Variants in TBC1D22A observed in about 807,000 individuals in gnomAD.
The protein encoded by TBC1D22A is putative GTPase activator.
Under a neutral mutation model 60.2 loss-of-function variants are expected in TBC1D22A, and 38 were observed. The ratio of observed to expected loss-of-function variants is 0.63; its 90% CI spans 0.49 to 0.83. TBC1D22A has a LOEUF of 0.83. Ranked by LOEUF, TBC1D22A falls within the 40% of genes least tolerant of loss-of-function variation. The pLI is 0.00. For missense variants in TBC1D22A, 628 were observed against 701.0 expected (o/e 0.90, Z 1.18); for synonymous variants, 302 against 281.7 (o/e 1.07, Z -0.72).
At chr22:46,907,425 G>A (rs531679282) in intron 7 of TBC1D22A, among the ~76,000 whole-genome samples, 1 of 152,338 alleles carries the variant, frequency 6.6e-6, no homozygotes, top group East Asian at 1.9e-4. Flanking sequence ...AAACAGATGG[G>A]AGAGGCTGAT....
chr22:46,788,226 A>G (rs1569032270), intron 1 of TBC1D22A, among the ~76,000 whole-genome samples: 2 of 152,032 alleles, frequency 1.3e-5, no homozygotes, highest in Non-Finnish European at 2.9e-5. Context: ...GTGAGCCACC[A>G]CGCCCGGCCA....
intron 9 of TBC1D22A, among the ~76,000 whole-genome samples, chr22:46,978,951 T>C (rs1433931680): frequency 6.6e-6 from 1 of 152,210 alleles, no homozygotes. Flanking sequence ...TTGGATTCTT[T>C]TTTCATTCAT....
At chr22:46,886,312 G>C (rs1426523821) in intron 5 of TBC1D22A, among the ~76,000 whole-genome samples, 1 of 152,154 alleles carries the variant, frequency 6.6e-6, no homozygotes, top group Non-Finnish European at 1.5e-5. Context: ...CCTCCATCAC[G>C]AGGACTCTGA....
intron 11 of TBC1D22A, among the ~76,000 whole-genome samples, chr22:47,043,193 G>A (rs372764484): frequency 6.6e-6 from 1 of 152,218 alleles, no homozygotes; most frequent in Non-Finnish European, 1.5e-5. Flanking sequence ...CACAAGAGCC[G>A]GCCCTCAGGC....
At chr22:46,782,356 C>T (rs1460778535) in intron 1 of TBC1D22A, among the ~76,000 whole-genome samples, 1 of 152,194 alleles carries the variant, frequency 6.6e-6, no homozygotes, top group African/African-American at 2.4e-5. Flanking sequence ...CCCAGCCGGA[C>T]TTGGACTTAT....
chr22:46,826,198 G>A (rs1484671140), intron 4 of TBC1D22A, among the ~76,000 whole-genome samples: 1 of 152,090 alleles, frequency 6.6e-6, no homozygotes, highest in South Asian at 2.1e-4. Context: ...TTCTTTTAAC[G>A]CTAAACTGTG....
In TBC1D22A at chr22:46,830,566, C is replaced by T. The variant is rs572182108; in HGVS notation, c.637+32946C>T. Reference sequence around the variant, plus strand: ...GGGCTGGTGGAAGGTCCCAGTGCCTCTTTGAGCTTTGCCAGGACAGTGTGT... The same window carrying T: ...GGGCTGGTGGAAGGTCCCAGTGCCTTTTTGAGCTTTGCCAGGACAGTGTGT... On this transcript the variant is annotated intron_variant, in intron 4 of 12. Coordinates refer to ENST00000337137, the MANE Select transcript of TBC1D22A (RefSeq NM_014346.5). Among the ~76,000 whole-genome samples the T allele has an allele frequency of 9.8e-5, 15 of 152,350 alleles. No homozygotes were observed. The East Asian group carries it at 2.7e-3, about 27-fold the overall frequency.
At chr22:47,128,745 G>T (rs768699114) in intron 12 of TBC1D22A, among the ~76,000 whole-genome samples, 1 of 152,118 alleles carries the variant, frequency 6.6e-6, no homozygotes, top group Non-Finnish European at 1.5e-5. Context: ...GGCCATGACC[G>T]TGGCTAAGCC....
rs753407810 is a variant in TBC1D22A, at chr22:46,997,722, C to G, written c.1201+13C>G. Reference sequence around the variant, plus strand: ...AGCCGGATTGATGGTAAGCCAGCTTCCCGCGCAGCCCCTCTCTGTGGGCGG... The same window carrying G: ...AGCCGGATTGATGGTAAGCCAGCTTGCCGCGCAGCCCCTCTCTGTGGGCGG... On this transcript the variant is annotated intron_variant, in intron 10 of 12. Transcript: ENST00000337137. The G allele has an allele frequency of 6.2e-7, 1 of 1,613,394 alleles. No individual in the cohort carries two copies. The highest frequency in any genetic ancestry group is 1.7e-5 in the Admixed American group (1 of 60,016).
At chr22:47,141,739 C>G (rs2067093407) in intron 12 of TBC1D22A, among the ~76,000 whole-genome samples, 1 of 152,134 alleles carries the variant, frequency 6.6e-6, no homozygotes, top group South Asian at 2.1e-4. Context: ...AGTGTTTTCC[C>G]AGAAAGGTGG....
intron 8 of TBC1D22A, among the ~76,000 whole-genome samples, chr22:46,957,452 C>T (rs1317299875): frequency 2.0e-5 from 3 of 152,202 alleles, no homozygotes; most frequent in African/African-American, 4.8e-5. Flanking sequence ...AGAGTGAGTG[C>T]CAGCAGGGGA....
intron 12 of TBC1D22A, among the ~76,000 whole-genome samples, chr22:47,135,681 T>A (rs1396177343): frequency 6.6e-6 from 1 of 152,256 alleles, no homozygotes; most frequent in Non-Finnish European, 1.5e-5. Context: ...ATACTTCGGC[T>A]TCTAAATCGC....
At chr22:47,157,304 C>G (rs1048833342) in intron 12 of TBC1D22A, among the ~76,000 whole-genome samples, 2 of 152,250 alleles carry the variant, frequency 1.3e-5, no homozygotes, top group African/African-American at 4.8e-5. Flanking sequence ...CTGCACTATC[C>G]TGCACCTCTC....
chr22:46,766,748 GGAT>G, intron 1 of TBC1D22A, among the ~76,000 whole-genome samples: 1 of 152,152 alleles, frequency 6.6e-6, no homozygotes, highest in Non-Finnish European at 1.5e-5. Flanking sequence ...ATGTTGGTGT[GGAT>G]GGTCTCGATC....
chr22:47,112,207 G>A (rs985909963), intron 12 of TBC1D22A, among the ~76,000 whole-genome samples: 2 of 152,236 alleles, frequency 1.3e-5, no homozygotes, highest in Admixed American at 1.3e-4. Flanking sequence ...TCCTCTGTGA[G>A]GCGTCCCGGG....
chr22:46,862,304 C>G (rs2087936850), intron 4 of TBC1D22A, among the ~76,000 whole-genome samples: 1 of 152,168 alleles, frequency 6.6e-6, no homozygotes, highest in Non-Finnish European at 1.5e-5. Flanking sequence ...CTCTGTAGAT[C>G]TCGGGTATGT....
chr22:46,863,138 G>A (rs1014215377), intron 4 of TBC1D22A, among the ~76,000 whole-genome samples: 1 of 152,150 alleles, frequency 6.6e-6, no homozygotes, highest in Non-Finnish European at 1.5e-5. Context: ...ACTCACACCA[G>A]GTTTATGGAG....
chr22:47,161,065 G>A (rs1384081714), intron 12 of TBC1D22A, among the ~76,000 whole-genome samples: 5 of 152,226 alleles, frequency 3.3e-5, no homozygotes, highest in Admixed American at 3.3e-4. Context: ...GTCAGGCCCT[G>A]CCTCCCAGCT....
chr22:46,982,226 C>CTTTTTT (rs750713030), intron 9 of TBC1D22A, among the ~76,000 whole-genome samples: 1 of 138,642 alleles, frequency 7.2e-6, no homozygotes, highest in Non-Finnish European at 1.6e-5. Context: ...AAGAGACAGT[C>CTTTTTT]TTTTTTTTTT....
Sources: gnomAD v4.1 joint callset for allele counts (sites outside exome capture counted in the v4.1 genomes callset) on GRCh38, gnomAD v4.1.1 for gene constraint, MANE v1.5 for transcripts, NCBI Gene and HGNC (gene_info 2026-07-23, HGNC 2026-07-21) for gene names.